GRM7: variants seen among roughly 807,000 people sequenced by gnomAD.
The protein encoded by GRM7 is metabotropic glutamate receptor 7.
In GRM7, 35 loss-of-function variants were observed where a neutral mutation model predicts 84.5. That is an observed-to-expected ratio of 0.41 (90% confidence interval 0.32 to 0.55). The LOEUF (loss-of-function observed/expected upper bound fraction) is 0.55, where lower values mean the gene tolerates loss of function less well. Among genes scored for constraint, GRM7 ranks in the 20% least tolerant of loss-of-function variants. The pLI is 0.19. For missense variants in GRM7, 1,003 were observed against 1,194.6 expected, an observed-to-expected ratio of 0.84 and a Z score of 2.36; for synonymous variants, 487 against 455.1, an observed-to-expected ratio of 1.07 and a Z score of -0.89.
chr3:7,069,216 G>A (rs1367841190), intron 1 of GRM7, among the ~76,000 whole-genome samples: 4 of 151,986 alleles, frequency 2.6e-5, no homozygotes, highest in Non-Finnish European at 5.9e-5. Context: ...CTCTGGGATA[G>A]TAGAAGGAAG....
chr3:7,247,153 TAATC>T (rs1389422197), intron 2 of GRM7, among the ~76,000 whole-genome samples: 3 of 152,122 alleles, frequency 2.0e-5, no homozygotes, highest in Admixed American at 2.0e-4. Flanking sequence ...ACATGAATAT[TAATC>T]AGTCATAATT....
chr3:7,295,315 T>C (rs1294691234), intron 2 of GRM7, among the ~76,000 whole-genome samples: 3 of 152,164 alleles, frequency 2.0e-5, no homozygotes, highest in Non-Finnish European at 2.9e-5. Context: ...TGTGTTGGTA[T>C]ACTTCTGAGC....
intron 9 of GRM7, among the ~76,000 whole-genome samples, chr3:7,709,031 C>T (rs1392190210): frequency 6.6e-6 from 1 of 151,988 alleles, no homozygotes; most frequent in Non-Finnish European, 1.5e-5. Flanking sequence ...TTATCTCCTA[C>T]CACTTCCTTC....
At chr3:7,428,324 G>C (rs1476903303) in intron 5 of GRM7, among the ~76,000 whole-genome samples, 1 of 152,142 alleles carries the variant, frequency 6.6e-6, no homozygotes, top group Non-Finnish European at 1.5e-5. Flanking sequence ...AATTTGCAGA[G>C]GTCGTAAATC....
At chr3:7,077,881 A>C (rs1698148068) in intron 1 of GRM7, among the ~76,000 whole-genome samples, 1 of 152,190 alleles carries the variant, frequency 6.6e-6, no homozygotes, top group African/African-American at 2.4e-5. Context: ...GATTTAAAAC[A>C]AATTAATATG....
In GRM7 at chr3:7,249,892, G is replaced by A. The variant is rs1416167317; in HGVS notation, c.737-48792G>A. 2.0e-5 allele frequency among the ~76,000 whole-genome samples: 3 copies of A among 152,298 alleles called. No homozygotes were observed. In the East Asian group the frequency reaches 5.8e-4, roughly 29 times the overall value. On this transcript the variant is annotated intron_variant, in intron 2 of 9. Transcript: ENST00000357716. ...TTCTCTGCAATCTCAAGTGTGTTGA[G>A]ATTGGTACCAGGTGATACCAGGTCT... is the stretch of plus-strand genomic sequence containing the variant.
chr3:7,387,544 A>G (rs1254428035), intron 4 of GRM7, among the ~76,000 whole-genome samples: 4 of 152,032 alleles, frequency 2.6e-5, no homozygotes, highest in African/African-American at 4.8e-5. Context: ...ATTGACTAGG[A>G]TATATTTTCT....
intron 1 of GRM7, among the ~76,000 whole-genome samples, chr3:7,014,658 C>T (rs573914495): frequency 5.3e-5 from 8 of 152,090 alleles, no homozygotes; most frequent in Non-Finnish European, 7.4e-5. Context: ...AAGATTTCAC[C>T]GTATTTACTG....
chr3:7,676,015 G>A (rs928674145), intron 8 of GRM7, among the ~76,000 whole-genome samples: 13 of 151,330 alleles, frequency 8.6e-5, no homozygotes, highest in East Asian at 1.9e-4. Flanking sequence ...TTTTTTTGTC[G>A]CCCAGGCTGG....
At chr3:7,535,853 C>T (rs1701221292) in intron 7 of GRM7, among the ~76,000 whole-genome samples, 1 of 152,188 alleles carries the variant, frequency 6.6e-6, no homozygotes, top group African/African-American at 2.4e-5. Flanking sequence ...TTGGCAGATA[C>T]TTGTGTCCAC....
At chr3:7,479,158 C>A (rs1575397873) in intron 7 of GRM7, among the ~76,000 whole-genome samples, 1 of 151,756 alleles carries the variant, frequency 6.6e-6, no homozygotes, top group Non-Finnish European at 1.5e-5. Context: ...AGGGAGTAGG[C>A]GAGTCAGGCA....
intron 1 of GRM7, among the ~76,000 whole-genome samples, chr3:7,008,216 C>A (rs1172104710): frequency 1.3e-5 from 2 of 152,064 alleles, no homozygotes; most frequent in Non-Finnish European, 2.9e-5. Context: ...CTGTCTCTGA[C>A]CTAGAAGGAG....
chr3:7,591,619 T>A (rs1695784287), intron 8 of GRM7: 1 of 348,830 alleles, frequency 2.9e-6, no homozygotes, highest in Non-Finnish European at 5.6e-6. Flanking sequence ...AAAAGGGAGG[T>A]GACAGTGCAT....
intron 1 of GRM7, among the ~76,000 whole-genome samples, chr3:6,923,442 G>A (rs1697193695): frequency 6.6e-6 from 1 of 152,130 alleles, no homozygotes; most frequent in Non-Finnish European, 1.5e-5. Flanking sequence ...TTTGATTTAT[G>A]CATAAACTCT....
At chr3:7,718,562 G>A (rs1340274734) in intron 9 of GRM7, among the ~76,000 whole-genome samples, 1 of 152,084 alleles carries the variant, frequency 6.6e-6, no homozygotes, top group Non-Finnish European at 1.5e-5. Flanking sequence ...TAGATAGCAG[G>A]GAGTTGGAAA....
At chr3:7,288,157 A>G (rs1266400390) in intron 2 of GRM7, among the ~76,000 whole-genome samples, 1 of 152,200 alleles carries the variant, frequency 6.6e-6, no homozygotes, top group African/African-American at 2.4e-5. Context: ...ATGAAGACTC[A>G]ATCCTTCTCC....
At chr3:7,019,681 A>T (rs1695705483) in intron 1 of GRM7, among the ~76,000 whole-genome samples, 1 of 152,190 alleles carries the variant, frequency 6.6e-6, no homozygotes, top group Admixed American at 6.5e-5. Context: ...CAGTCATGTG[A>T]TTATGACTAA....
At chr3:7,009,838 A>G (rs1029000830) in intron 1 of GRM7, among the ~76,000 whole-genome samples, 3 of 152,036 alleles carry the variant, frequency 2.0e-5, no homozygotes, top group African/African-American at 7.2e-5. Context: ...AATCTGAGAA[A>G]CCCCTGAAAT....
chr3:7,457,718 TG>T (rs1292210727), intron 6 of GRM7, among the ~76,000 whole-genome samples: 1 of 152,196 alleles, frequency 6.6e-6, no homozygotes, highest in Admixed American at 6.5e-5. Flanking sequence ...AAAATGTTTT[TG>T]TCTAGTTTTG....
Sources: allele counts gnomAD v4.1 joint callset (sites outside exome capture counted in the v4.1 genomes callset), GRCh38; gene constraint gnomAD v4.1.1; transcripts MANE v1.5; gene names NCBI Gene and HGNC (gene_info 2026-07-23, HGNC 2026-07-21).